The following TTC39B variants were observed in gnomAD, a reference collection of about 807,000 sequenced individuals.
TTC39B encodes tetratricopeptide repeat domain 39B, also known as tetratricopeptide repeat protein 39B.
A neutral mutation model predicts 96.6 loss-of-function variants in TTC39B; 92 were observed. That is an observed-to-expected ratio of 0.95 (90% CI 0.80 to 1.13). The LOEUF is 1.13. Ranked by LOEUF, TTC39B falls within the 50% of genes most tolerant of loss-of-function variation. The probability of loss-of-function intolerance (pLI) is 0.00; values close to 1 mark genes in which losing one functional copy is unlikely to be tolerated. For missense variants in TTC39B, 955 were observed against 809.3 expected (o/e 1.18, Z -2.18); for synonymous variants, 367 against 299.4 (o/e 1.23, Z -2.33).
intron 16 of TTC39B, among the ~76,000 whole-genome samples, chr9:15,184,498 T>C (rs1818415544): frequency 6.6e-6 from 1 of 151,856 alleles, no homozygotes; most frequent in South Asian, 2.1e-4. Context: ...TTTCCTGTGC[T>C]GACTATCTAT....
intron 7 of TTC39B, among the ~76,000 whole-genome samples, chr9:15,200,406 C>G (rs1819465573): frequency 6.6e-6 from 1 of 152,194 alleles, no homozygotes; most frequent in African/African-American, 2.4e-5. Context: ...GAATTTTACT[C>G]ACACACATTT....
At chr9:15,275,292 CG>C (rs1055430101) in intron 1 of TTC39B, among the ~76,000 whole-genome samples, 1 of 152,182 alleles carries the variant, frequency 6.6e-6, no homozygotes, top group African/African-American at 2.4e-5. Flanking sequence ...CTGCCCGCCT[CG>C]GCCTCCCAAA....
intron 1 of TTC39B, among the ~76,000 whole-genome samples, chr9:15,299,248 A>C (rs1479756887): frequency 6.6e-6 from 1 of 152,196 alleles, no homozygotes; most frequent in African/African-American, 2.4e-5. Flanking sequence ...CATTTCACCA[A>C]AATATTTTAA....
intron 15 of TTC39B, 122 bp from the exon 16 acceptor site, chr9:15,185,528 C>T (rs933543699): frequency 6.7e-7 from 1 of 1,482,608 alleles, no homozygotes; most frequent in African/African-American, 1.4e-5. Context: ...CACCTGGGAA[C>T]CTATTTGAAA....
intron 1 of TTC39B, among the ~76,000 whole-genome samples, chr9:15,287,475 A>G (rs1824015402): frequency 6.6e-6 from 1 of 152,238 alleles, no homozygotes; most frequent in African/African-American, 2.4e-5. Context: ...CAAAGAGATA[A>G]GAGTTCATTA....
chr9:15,197,343 G>A lies in TTC39B; in HGVS notation c.824+2518C>T, dbSNP rs539440092. Among the ~76,000 whole-genome samples, 14 of 152,238 alleles carry A rather than the reference G, an allele frequency of 9.2e-5. 1 individual carries two copies. In the South Asian group the frequency reaches 2.5e-3, roughly 27 times the overall value. ...ATACCTTCTAAAAATATTTCACAAA[G>A]AAATCTATACAACAGCATGTCAGGT... On this transcript the variant is annotated intron_variant, in intron 8 of 19. Coordinates refer to ENST00000512701, the Ensembl canonical transcript of TTC39B.
rs1317060908 is a variant in TTC39B at position 15,176,811 on chromosome 9, TATTAAGTAAGGTTAC to T, written c.1841+871_1841+885del. Among the ~76,000 whole-genome samples the T allele has an allele frequency of 3.9e-5, 6 of 152,274 alleles. No individual in the cohort carries two copies. In the East Asian group the frequency reaches 7.7e-4, roughly 20 times the overall value. On this transcript the variant is annotated intron_variant, in intron 18 of 19. Transcript: ENST00000512701. ...ATTCCTGCCACCACTCAGCCGGCCT[TATTAAGTAAGGTTAC>T]ATATCTGGCCCCTGTAAATACTGCA...
At chr9:15,207,225 C>T (rs185892098) in intron 6 of TTC39B, among the ~76,000 whole-genome samples, 23 of 152,304 alleles carry the variant, frequency 1.5e-4, no homozygotes, top group Admixed American at 1.4e-3. Context: ...CATTCCACCT[C>T]CTGGGCTCAA....
At chr9:15,292,001 T>C (rs1434963207) in intron 1 of TTC39B, among the ~76,000 whole-genome samples, 1 of 152,242 alleles carries the variant, frequency 6.6e-6, no homozygotes, top group Admixed American at 6.5e-5. Context: ...GCCTGGTGCC[T>C]CAGTGCCTGG....
At chr9:15,171,920 T>G in exon 20 of TTC39B, 2 of 863,534 alleles carry the variant, frequency 2.3e-6, no homozygotes. Flanking sequence ...TGTTTTTTTG[T>G]CTCTTATTCA....
intron 1 of TTC39B, among the ~76,000 whole-genome samples, chr9:15,276,359 T>C (rs1011201023): frequency 1.3e-5 from 2 of 152,138 alleles, no homozygotes; most frequent in African/African-American, 2.4e-5. Flanking sequence ...CCCCTTCCAC[T>C]CTGGAGTTAT....
At chr9:15,235,045 A>AT (rs1554779426) in intron 2 of TTC39B, among the ~76,000 whole-genome samples, 7,412 of 150,814 alleles carry the variant, frequency 0.049, 245 homozygotes, top group South Asian at 0.067. Context: ...AAATAAATAA[A>AT]ACAAAAACAA....
intron 4 of TTC39B, among the ~76,000 whole-genome samples, chr9:15,212,654 C>T (rs1214839773): frequency 6.6e-6 from 1 of 152,108 alleles, no homozygotes; most frequent in Non-Finnish European, 1.5e-5. Context: ...CTCGAACTCC[C>T]GACCTCAGGT....
intron 1 of TTC39B, among the ~76,000 whole-genome samples, chr9:15,286,071 T>A (rs1045736283): frequency 3.3e-5 from 5 of 152,218 alleles, no homozygotes; most frequent in African/African-American, 1.2e-4. Context: ...AATACTTCAG[T>A]GCATGTTTCC....
chr9:15,303,624 A>G (rs908756768), intron 1 of TTC39B, among the ~76,000 whole-genome samples: 6 of 151,726 alleles, frequency 4.0e-5, no homozygotes, highest in African/African-American at 1.5e-4. Context: ...TTTGTTTCAT[A>G]TGAGAAAAAT....
At chr9:15,232,770 G>C (rs565676070) in intron 2 of TTC39B, among the ~76,000 whole-genome samples, 1 of 152,168 alleles carries the variant, frequency 6.6e-6, no homozygotes, top group South Asian at 2.1e-4. Flanking sequence ...TTGGGCCCTC[G>C]AAGAGAAGGA....
intron 3 of TTC39B, among the ~76,000 whole-genome samples, chr9:15,216,987 A>G (rs1454443076): frequency 1.3e-5 from 2 of 152,166 alleles, no homozygotes; most frequent in Non-Finnish European, 2.9e-5. Context: ...GATGGTCAGG[A>G]AAAGCTCTCC....
chr9:15,179,392 T>C (rs1235694887), intron 17 of TTC39B, among the ~76,000 whole-genome samples: 1 of 152,092 alleles, frequency 6.6e-6, no homozygotes, highest in African/African-American at 2.4e-5. Flanking sequence ...GGTAAACCAC[T>C]TGACTATGGA....
At chr9:15,184,487 C>T (rs1818414524) in intron 16 of TTC39B, among the ~76,000 whole-genome samples, 1 of 150,764 alleles carries the variant, frequency 6.6e-6, no homozygotes, top group African/African-American at 2.4e-5. Flanking sequence ...CACTGAACAG[C>T]TTTCCTGTGC....
Sources: gnomAD v4.1 joint callset for allele counts (sites outside exome capture counted in the v4.1 genomes callset) on GRCh38, gnomAD v4.1.1 for gene constraint, MANE v1.5 for transcripts, NCBI Gene and HGNC (gene_info 2026-07-23, HGNC 2026-07-21) for gene names.